The following RIMS2 variants were observed in gnomAD, a reference collection of about 807,000 sequenced individuals.
RIMS2 encodes regulating synaptic membrane exocytosis 2.
Under a neutral mutation model 174.4 loss-of-function variants are expected in RIMS2, and 59 were observed. That is an observed-to-expected ratio of 0.34 (90% CI 0.27 to 0.42). The LOEUF is 0.42. Ranked by LOEUF, RIMS2 falls within the 10% of genes least tolerant of loss-of-function variation. RIMS2 has a pLI of 1.00. For missense variants in RIMS2, 1,620 were observed against 1,666.3 expected, an observed-to-expected ratio of 0.97 and a Z score of 0.48; for synonymous variants, 606 against 572.5, an observed-to-expected ratio of 1.06 and a Z score of -0.84.
chr8:103,950,303 T>C (rs1281390922), intron 14 of RIMS2, among the ~76,000 whole-genome samples: 3 of 152,046 alleles, frequency 2.0e-5, no homozygotes, highest in Non-Finnish European at 4.4e-5. Context: ...TACCAACAAC[T>C]AACATATTAA....
intron 2 of RIMS2, among the ~76,000 whole-genome samples, chr8:103,701,797 T>C (rs1337425686): frequency 3.9e-5 from 6 of 152,186 alleles, no homozygotes; most frequent in Non-Finnish European, 7.4e-5. Context: ...AATATTCCAT[T>C]GTGTATATAT....
chr8:103,558,293 C>A (rs1256047049), intron 1 of RIMS2, among the ~76,000 whole-genome samples: 1 of 152,162 alleles, frequency 6.6e-6, no homozygotes, highest in Non-Finnish European at 1.5e-5. Flanking sequence ...TGACTCTCGG[C>A]TCACTGCAAC....
At chr8:104,153,682 G>T (rs781725447) in intron 19 of RIMS2, among the ~76,000 whole-genome samples, 2 of 152,056 alleles carry the variant, frequency 1.3e-5, no homozygotes, top group Non-Finnish European at 2.9e-5. Flanking sequence ...ATTATATATG[G>T]TAACTTGAAT....
At chr8:103,786,046 G>A (rs990032262) in intron 3 of RIMS2, among the ~76,000 whole-genome samples, 1 of 152,132 alleles carries the variant, frequency 6.6e-6, no homozygotes, top group Non-Finnish European at 1.5e-5. Flanking sequence ...AGATTTTCTA[G>A]TTTATTTGCG....
At chr8:103,843,525 T>A (rs2154488401) in intron 3 of RIMS2, among the ~76,000 whole-genome samples, 1 of 152,360 alleles carries the variant, frequency 6.6e-6, no homozygotes. Flanking sequence ...TGAGAATGTG[T>A]CTATTTGAGA....
chr8:103,958,540 A>G (rs973828064), intron 14 of RIMS2, among the ~76,000 whole-genome samples: 4 of 152,320 alleles, frequency 2.6e-5, no homozygotes, highest in Admixed American at 6.5e-5. Context: ...CTTCACATAT[A>G]CCTTCAAACC....
chr8:104,055,406 G>A (rs1597860673), intron 19 of RIMS2, among the ~76,000 whole-genome samples: 1 of 152,110 alleles, frequency 6.6e-6, no homozygotes, highest in Non-Finnish European at 1.5e-5. Flanking sequence ...CTCCTTTAAT[G>A]TGGGTATTTA....
chr8:104,170,364 A>G (rs1283923226), intron 19 of RIMS2, among the ~76,000 whole-genome samples: 1 of 152,060 alleles, frequency 6.6e-6, no homozygotes, highest in Non-Finnish European at 1.5e-5. Flanking sequence ...TTAGGTGCAT[A>G]TAAATTTAGG....
At chr8:103,719,568 T>C (rs1172451739) in intron 2 of RIMS2, among the ~76,000 whole-genome samples, 1 of 152,252 alleles carries the variant, frequency 6.6e-6, no homozygotes, top group Non-Finnish European at 1.5e-5. Flanking sequence ...CCTCAGGTTG[T>C]TAGTAGTAAA....
At chr8:104,099,911 A>G (rs941937898) in intron 19 of RIMS2, among the ~76,000 whole-genome samples, 3 of 150,926 alleles carry the variant, frequency 2.0e-5, no homozygotes, top group African/African-American at 7.3e-5. Context: ...CTGTCTCCCC[A>G]GGCTCAGGTG....
At chr8:104,100,988 A>G (rs1300773747) in intron 19 of RIMS2, among the ~76,000 whole-genome samples, 2 of 137,616 alleles carry the variant, frequency 1.5e-5, no homozygotes, top group Admixed American at 1.5e-4. Flanking sequence ...GATATATTAT[A>G]TAGTATATGT....
intron 1 of RIMS2, among the ~76,000 whole-genome samples, chr8:103,625,786 G>T (rs1369966982): frequency 1.3e-5 from 2 of 151,988 alleles, no homozygotes; most frequent in Non-Finnish European, 2.9e-5. Context: ...TAAATAGTTT[G>T]TATTCCTGCT....
intron 1 of RIMS2, among the ~76,000 whole-genome samples, chr8:103,572,874 T>C (rs2092934844): frequency 6.6e-6 from 1 of 152,222 alleles, no homozygotes; most frequent in Non-Finnish European, 1.5e-5. Context: ...TGTTGATAGC[T>C]TCTTTTGCTG....
chr8:104,246,977 G>A (rs1439651410), intron 20 of RIMS2, among the ~76,000 whole-genome samples: 1 of 134,830 alleles, frequency 7.4e-6, no homozygotes, highest in Non-Finnish European at 1.5e-5. Context: ...TTCCGTTTTT[G>A]GCATATCAGT....
chr8:103,742,392 C>T (rs778753896), intron 2 of RIMS2, among the ~76,000 whole-genome samples: 3 of 152,088 alleles, frequency 2.0e-5, no homozygotes, highest in South Asian at 2.1e-4. Flanking sequence ...ACCATATGTA[C>T]ATAATGAGTC....
In RIMS2 at chr8:103,593,972, G is replaced by T. The variant is rs556078812; in HGVS notation, c.176+92910G>T. On this transcript the variant is annotated intron_variant, in intron 1 of 23. Coordinates refer to ENST00000504942, the Ensembl canonical transcript of RIMS2. ...AAGTTGGAGAACTGATGAAATAGAG[G>T]AAAGACATAGTATTTTAGATGTACA... Among the ~76,000 whole-genome samples, 4 of 151,572 alleles carry T rather than the reference G, an allele frequency of 2.6e-5. No individual in the cohort carries two copies. In the East Asian group the frequency reaches 7.7e-4, roughly 29 times the overall value.
intron 1 of RIMS2, among the ~76,000 whole-genome samples, chr8:103,593,742 A>T (rs1454811680): frequency 1.3e-5 from 2 of 151,404 alleles, no homozygotes; most frequent in African/African-American, 2.4e-5. Flanking sequence ...ACTTTTAATT[A>T]ATTAATGTTA....
intron 1 of RIMS2, among the ~76,000 whole-genome samples, chr8:103,614,418 T>C (rs2095458695): frequency 6.6e-6 from 1 of 152,238 alleles, no homozygotes; most frequent in African/African-American, 2.4e-5. Context: ...ATTGGAGAGG[T>C]GTGGCACTGG....
intron 19 of RIMS2, among the ~76,000 whole-genome samples, chr8:104,178,061 G>T (rs1270428612): frequency 6.6e-6 from 1 of 152,126 alleles, no homozygotes; most frequent in African/African-American, 2.4e-5. Context: ...TACTACAAAT[G>T]TAGAGGCTCA....
Sources: allele counts gnomAD v4.1 joint callset (sites outside exome capture counted in the v4.1 genomes callset), GRCh38; gene constraint gnomAD v4.1.1; transcripts MANE v1.5; gene names NCBI Gene and HGNC (gene_info 2026-07-23, HGNC 2026-07-21).